Variants in GLIS3 observed in about 807,000 individuals in gnomAD.
GLIS3 encodes GLIS family zinc finger 3.
Under a neutral mutation model 78.6 loss-of-function variants are expected in GLIS3, and 53 were observed. The observed-to-expected ratio is 0.67, with a 90% CI of 0.54 to 0.85. GLIS3 has a LOEUF of 0.85. GLIS3 is among the 40% of genes least tolerant of loss of function. The pLI is 0.00. For synonymous variants in GLIS3, 684 were observed against 509.9 expected (o/e 1.34, Z -4.60); for missense variants, 1,703 against 1,231.1 (o/e 1.38, Z -5.74).
chr9:4,024,909 T>C (rs1356419483), intron 4 of GLIS3, among the ~76,000 whole-genome samples: 1 of 152,150 alleles, frequency 6.6e-6, no homozygotes, highest in East Asian at 1.9e-4. Context: ...ATGCCTGTCG[T>C]GTTCATCACT....
chr9:4,290,474 C>T (rs997543766), intron 1 of GLIS3, among the ~76,000 whole-genome samples: 17 of 152,082 alleles, frequency 1.1e-4, no homozygotes, highest in African/African-American at 3.9e-4. Context: ...GTTAATAGGT[C>T]CCTGCTATTC....
At position 3,976,797 on chromosome 9, in the gene GLIS3, A is replaced by G. The variant is rs923392449; in HGVS notation, c.1711-39608T>C. Among the ~76,000 whole-genome samples the G allele has an allele frequency of 1.6e-4, 4 of 25,150 alleles. No homozygotes were observed. The South Asian group carries it at 3.4e-3, about 22-fold the overall frequency. 16.5% of individuals were successfully genotyped at this position (25,150 alleles called of 152,430 possible). On this transcript the variant is annotated intron_variant, in intron 4 of 10. Coordinates refer to ENST00000381971, the MANE Select transcript of GLIS3 (RefSeq NM_001042413.2). Reference sequence around the variant, plus strand: ...GGGAGACAGAAATCCTCCCCCTGCAAAAAAAAAAAAAAAAAAAAAAAAAAA... The same window carrying G: ...GGGAGACAGAAATCCTCCCCCTGCAGAAAAAAAAAAAAAAAAAAAAAAAAA...
chr9:4,241,298 G>C (rs1823285850), intron 2 of GLIS3, among the ~76,000 whole-genome samples: 1 of 152,120 alleles, frequency 6.6e-6, no homozygotes. Context: ...TTTTTTGCAA[G>C]ACTTGTATTT....
intron 4 of GLIS3, among the ~76,000 whole-genome samples, chr9:4,107,735 G>C (rs1830873293): frequency 6.8e-6 from 1 of 147,582 alleles, no homozygotes; most frequent in Admixed American, 6.9e-5. Flanking sequence ...TTTCAGATCA[G>C]AAGAACACAG....
At chr9:4,322,726 C>T (rs79670250) in intron 2 of GLIS3, among the ~76,000 whole-genome samples, 10,403 of 152,126 alleles carry the variant, frequency 0.068, 1,178 homozygotes, top group African/African-American at 0.23. Context: ...AAAGTGTCTG[C>T]TCTTATACTT....
chr9:4,167,553 G>A (rs1815974602), intron 2 of GLIS3, among the ~76,000 whole-genome samples: 1 of 152,152 alleles, frequency 6.6e-6, no homozygotes, highest in African/African-American at 2.4e-5. Flanking sequence ...CAGAGTGCTG[G>A]TACACAACAG....
intron 2 of GLIS3, among the ~76,000 whole-genome samples, chr9:4,278,754 CT>C (rs745877916): frequency 6.6e-6 from 1 of 152,192 alleles, no homozygotes; most frequent in Non-Finnish European, 1.5e-5. Context: ...CACAAGGTTA[CT>C]TATACATTTT....
At chr9:3,968,349 T>A (rs915313485) in intron 4 of GLIS3, among the ~76,000 whole-genome samples, 1 of 152,160 alleles carries the variant, frequency 6.6e-6, no homozygotes, top group African/African-American at 2.4e-5. Flanking sequence ...GTCTCAATAC[T>A]CATGGTAGCC....
At chr9:4,486,852 G>A in the GLIS3 span, among the ~76,000 whole-genome samples, 2 of 152,116 alleles carry the variant, frequency 1.3e-5, no homozygotes, top group African/African-American at 4.8e-5. Context: ...ATCATGCCCA[G>A]GTTATTTATT....
chr9:3,939,820 T>G (rs1245438073), intron 4 of GLIS3, among the ~76,000 whole-genome samples: 2 of 152,174 alleles, frequency 1.3e-5, no homozygotes, highest in Non-Finnish European at 2.9e-5. Context: ...CACCCCCAAC[T>G]CACTCTTGTT....
chr9:4,317,266 C>G (rs7034974), intron 2 of GLIS3, among the ~76,000 whole-genome samples: 69,869 of 152,042 alleles, frequency 0.46, 18,086 homozygotes, highest in African/African-American at 0.72. Context: ...CTGCCATCAT[C>G]AATCCTTAGC....
intron 2 of GLIS3, among the ~76,000 whole-genome samples, chr9:4,339,667 G>T (rs187031508): frequency 1.4e-5 from 2 of 147,446 alleles, no homozygotes; most frequent in Admixed American, 1.4e-4. Context: ...TCCCAAGCAA[G>T]GGTGGAGATG....
At chr9:4,172,668 T>C (rs1189470270) in intron 2 of GLIS3, among the ~76,000 whole-genome samples, 1 of 152,166 alleles carries the variant, frequency 6.6e-6, no homozygotes, top group African/African-American at 2.4e-5. Context: ...TGAATCATAG[T>C]ACAAAAGGGC....
chr9:4,291,461 A>C (rs994259685), intron 1 of GLIS3, among the ~76,000 whole-genome samples: 2 of 152,142 alleles, frequency 1.3e-5, no homozygotes, highest in Admixed American at 6.5e-5. Context: ...ATATTTTATA[A>C]AATTTTCTCA....
chr9:4,052,007 T>C (rs1312801801), intron 4 of GLIS3, among the ~76,000 whole-genome samples: 8 of 152,216 alleles, frequency 5.3e-5, no homozygotes, highest in South Asian at 2.1e-4. Context: ...TTAGAGTGCA[T>C]TGGGAGAGGC....
At chr9:4,219,655 A>C (rs554475991) in intron 2 of GLIS3, among the ~76,000 whole-genome samples, 1 of 152,332 alleles carries the variant, frequency 6.6e-6, no homozygotes, top group South Asian at 2.1e-4. Flanking sequence ...ATGTTAGTTA[A>C]GGCGGTCACT....
At chr9:3,944,247 T>G (rs959416331) in intron 4 of GLIS3, among the ~76,000 whole-genome samples, 4 of 152,214 alleles carry the variant, frequency 2.6e-5, no homozygotes, top group Admixed American at 2.0e-4. Flanking sequence ...GTTATTTCTG[T>G]GGCAACATTT....
chr9:4,100,840 C>T (rs969879748), intron 4 of GLIS3, among the ~76,000 whole-genome samples: 10 of 152,174 alleles, frequency 6.6e-5, no homozygotes, highest in African/African-American at 2.2e-4. Context: ...GTAGAAACTG[C>T]CCCCATAGAT....
intron 2 of GLIS3, among the ~76,000 whole-genome samples, chr9:4,137,316 A>T (rs1436603292): frequency 6.6e-6 from 1 of 152,176 alleles, no homozygotes; most frequent in African/African-American, 2.4e-5. Context: ...CCTTGTCTTC[A>T]GGAGTTCAGC....
Sources: allele counts gnomAD v4.1 joint callset (sites outside exome capture counted in the v4.1 genomes callset), GRCh38; gene constraint gnomAD v4.1.1; transcripts MANE v1.5; gene names NCBI Gene and HGNC (gene_info 2026-07-23, HGNC 2026-07-21).